Variants in NAALADL2 observed in about 807,000 individuals in gnomAD.
NAALADL2 encodes the protein N-acetylated alpha-linked acidic dipeptidase like 2, also known as inactive N-acetylated-alpha-linked acidic dipeptidase-like protein 2.
Under a neutral mutation model 87.2 loss-of-function variants are expected in NAALADL2, and 76 were observed. That is an observed-to-expected ratio of 0.87 (90% CI 0.72 to 1.05). The LOEUF is 1.05. NAALADL2 is among the 50% of genes least tolerant of loss of function. NAALADL2 has a pLI of 0.00. For synonymous variants in NAALADL2, 354 were observed against 331.0 expected, an observed-to-expected ratio of 1.07 and a Z score of -0.75; for missense variants, 1,089 against 945.8, an observed-to-expected ratio of 1.15 and a Z score of -1.99.
intron 3 of NAALADL2, among the ~76,000 whole-genome samples, chr3:175,247,578 C>T (rs1284898795): frequency 2.2e-4 from 12 of 54,412 alleles, no homozygotes; most frequent in African/African-American, 6.7e-4. Context: ...TCCAGCTAGT[C>T]GCTGGTAGTT....
intron 2 of NAALADL2, among the ~76,000 whole-genome samples, chr3:174,722,506 G>A (rs579579): frequency 0.29 from 44,693 of 152,070 alleles, 7,331 homozygotes; most frequent in Non-Finnish European, 0.37. Context: ...TTCAAGGCCA[G>A]CCTGGCCAAG....
intron 1 of NAALADL2, among the ~76,000 whole-genome samples, chr3:174,937,022 AAAG>A (rs1392845958): frequency 6.6e-6 from 1 of 152,144 alleles, no homozygotes; most frequent in Non-Finnish European, 1.5e-5. Flanking sequence ...ACATTTTAAA[AAAG>A]AGCCAGAGAG....
At chr3:174,813,171 T>G (rs1247902512) in intron 3 of NAALADL2, among the ~76,000 whole-genome samples, 1 of 152,192 alleles carries the variant, frequency 6.6e-6, no homozygotes, top group African/African-American at 2.4e-5. Context: ...TCTCTTCTTT[T>G]CCAGTGGTAT....
chr3:174,850,749 T>G (rs1051831673), intron 3 of NAALADL2, among the ~76,000 whole-genome samples: 3 of 152,112 alleles, frequency 2.0e-5, no homozygotes, highest in African/African-American at 7.2e-5. Flanking sequence ...ACCTAATTTA[T>G]AGATCAAGTG....
At chr3:175,280,179 C>T (rs185274442) in intron 4 of NAALADL2, among the ~76,000 whole-genome samples, 112 of 152,134 alleles carry the variant, frequency 7.4e-4, no homozygotes, top group African/African-American at 2.5e-3. Context: ...CTTGCCATTC[C>T]ACTAGCTAGC....
upstream of NAALADL2, among the ~76,000 whole-genome samples, chr3:174,855,434 T>C (rs1213510618): frequency 2.0e-5 from 3 of 152,138 alleles, no homozygotes; most frequent in Non-Finnish European, 4.4e-5. Context: ...GTTTTGACTT[T>C]TATTTTGGAA....
intron 12 of NAALADL2, among the ~76,000 whole-genome samples, chr3:175,753,828 G>T (rs991925222): frequency 6.6e-6 from 1 of 152,090 alleles, no homozygotes; most frequent in Admixed American, 6.5e-5. Flanking sequence ...CATAGTGAAG[G>T]CCTCAGGAGG....
intron 2 of NAALADL2, among the ~76,000 whole-genome samples, chr3:175,154,475 G>A (rs1451230245): frequency 2.6e-5 from 4 of 152,082 alleles, no homozygotes; most frequent in African/African-American, 7.2e-5. Context: ...TTCCTTATCT[G>A]TAAAATAGAA....
intron 2 of NAALADL2, among the ~76,000 whole-genome samples, chr3:174,642,507 TAAAAAAAAAAAA>T (rs10576356): frequency 8.2e-6 from 1 of 122,540 alleles, no homozygotes; most frequent in African/African-American, 3.0e-5. Flanking sequence ...TCTCTGGGGA[TAAAAAAAAAAAA>T]AAAAAAAGCA....
intron 2 of NAALADL2, among the ~76,000 whole-genome samples, chr3:174,704,485 A>T (rs1729872064): frequency 6.6e-6 from 1 of 152,122 alleles, no homozygotes; most frequent in Admixed American, 6.5e-5. Context: ...TTTAATTTTG[A>T]ATTATTAATT....
At chr3:175,320,815 A>G (rs1759757973) in intron 4 of NAALADL2, among the ~76,000 whole-genome samples, 1 of 151,758 alleles carries the variant, frequency 6.6e-6, no homozygotes, top group Non-Finnish European at 1.5e-5. Flanking sequence ...ATAGACCAAT[A>G]ACAGGAGCTG....
intron 5 of NAALADL2, among the ~76,000 whole-genome samples, chr3:175,410,711 T>A (rs1713345914): frequency 6.6e-6 from 1 of 152,142 alleles, no homozygotes; most frequent in Non-Finnish European, 1.5e-5. Context: ...TTATGGGAAG[T>A]CAAAGTCAGG....
chr3:174,786,190 C>A (rs1459181444), intron 3 of NAALADL2, among the ~76,000 whole-genome samples: 1 of 152,078 alleles, frequency 6.6e-6, no homozygotes, highest in Non-Finnish European at 1.5e-5. Flanking sequence ...GTGACTCACG[C>A]CTGTAATCAC....
intron 1 of NAALADL2, among the ~76,000 whole-genome samples, chr3:174,451,419 T>C (rs898421496): frequency 4.6e-5 from 7 of 152,212 alleles, no homozygotes; most frequent in Non-Finnish European, 8.8e-5. Context: ...GTAATTGTTA[T>C]CAAGAATTCA....
intron 12 of NAALADL2, among the ~76,000 whole-genome samples, chr3:175,740,818 A>C (rs115423231): frequency 0.019 from 2,817 of 152,218 alleles, 86 homozygotes; most frequent in African/African-American, 0.064. Context: ...TACTTTCTTA[A>C]TAAACTTGCT....
At chr3:175,175,830 G>T (rs1209877319) in intron 2 of NAALADL2, among the ~76,000 whole-genome samples, 3 of 152,046 alleles carry the variant, frequency 2.0e-5, no homozygotes, top group Non-Finnish European at 4.4e-5. Context: ...ATGTCATAAT[G>T]GGAAGAGATG....
At chr3:175,792,428 A>G (rs1407654566) in intron 13 of NAALADL2, among the ~76,000 whole-genome samples, 3 of 152,142 alleles carry the variant, frequency 2.0e-5, no homozygotes, top group Non-Finnish European at 4.4e-5. Context: ...CTTACTTTTC[A>G]TTCTAGCTAA....
At chr3:175,624,188 A>G (rs1172721773) in intron 10 of NAALADL2, among the ~76,000 whole-genome samples, 3 of 152,070 alleles carry the variant, frequency 2.0e-5, no homozygotes, top group Admixed American at 1.3e-4. Flanking sequence ...AGTTACTGCT[A>G]TGAGATCTTA....
At chr3:175,463,207 G>A (rs532252319) in intron 6 of NAALADL2, among the ~76,000 whole-genome samples, 194 bp from the exon 7 acceptor site, 68 of 152,202 alleles carry the variant, frequency 4.5e-4, no homozygotes, top group Non-Finnish European at 6.3e-4. Flanking sequence ...TCATCACTGC[G>A]TAACAAACAC....
Sources: gnomAD v4.1 joint callset for allele counts (sites outside exome capture counted in the v4.1 genomes callset) on GRCh38, gnomAD v4.1.1 for gene constraint, MANE v1.5 for transcripts, NCBI Gene and HGNC (gene_info 2026-07-23, HGNC 2026-07-21) for gene names.